The following SLC5A4 variants were observed in gnomAD, a reference collection of about 807,000 sequenced individuals.
SLC5A4 encodes solute carrier family 5 member 4, also known as probable glucose sensor protein SLC5A4.
Under a neutral mutation model 70.3 loss-of-function variants are expected in SLC5A4, and 55 were observed. The observed-to-expected ratio is 0.78, with a 90% CI of 0.63 to 0.98. SLC5A4 has a LOEUF of 0.98. SLC5A4 is among the 50% of genes least tolerant of loss of function. The probability of loss-of-function intolerance (pLI) is 0.00; values close to 1 mark genes in which losing one functional copy is unlikely to be tolerated. For missense variants in SLC5A4, 735 were observed against 839.2 expected (o/e 0.88, Z 1.53); for synonymous variants, 268 against 305.7 (o/e 0.88, Z 1.29).
the SLC5A4 span, among the ~76,000 whole-genome samples, chr22:32,351,366 T>A: frequency 6.6e-6 from 1 of 151,882 alleles, no homozygotes. Context: ...TCCAACTGAT[T>A]TTTTCCTCAT....
At chr22:32,337,680 C>T in the SLC5A4 span, among the ~76,000 whole-genome samples, 2 of 152,222 alleles carry the variant, frequency 1.3e-5, no homozygotes, top group African/African-American at 4.8e-5. Context: ...CAACATTTAA[C>T]AACCTGTTCT....
chr22:32,324,681 G>C, the SLC5A4 span, among the ~76,000 whole-genome samples: 1 of 152,186 alleles, frequency 6.6e-6, no homozygotes, highest in East Asian at 1.9e-4. Flanking sequence ...CTCAGTGTCA[G>C]ACAAGCCCGG....
At chr22:32,319,663 T>G in the SLC5A4 span, among the ~76,000 whole-genome samples, 1 of 152,228 alleles carries the variant, frequency 6.6e-6, no homozygotes, top group Non-Finnish European at 1.5e-5. Context: ...ACCAGCATGC[T>G]CCTGTCTCTT....
At chr22:32,277,265 G>C in the SLC5A4 span, 4 of 152,156 alleles carry the variant, frequency 2.6e-5, no homozygotes, top group African/African-American at 9.7e-5. Context: ...CATATTTCTG[G>C]ACACTTTCAA....
the SLC5A4 span, among the ~76,000 whole-genome samples, chr22:32,303,557 G>A: frequency 1.1e-4 from 16 of 152,158 alleles, no homozygotes; most frequent in East Asian, 2.3e-3. Flanking sequence ...TTTCCTTGTG[G>A]GACAATCACA....
the SLC5A4 span, among the ~76,000 whole-genome samples, chr22:32,306,726 C>T: frequency 6.6e-6 from 1 of 152,160 alleles, no homozygotes; most frequent in African/African-American, 2.4e-5. Context: ...TGGGAGGTCT[C>T]CTGCCTTGTT....
chr22:32,327,951 G>A, the SLC5A4 span, among the ~76,000 whole-genome samples: 1 of 152,246 alleles, frequency 6.6e-6, no homozygotes, highest in East Asian at 1.9e-4. Context: ...AGTCCTACAG[G>A]CCCCAGCCTG....
At chr22:32,324,516 A>G in the SLC5A4 span, among the ~76,000 whole-genome samples, 11 of 152,066 alleles carry the variant, frequency 7.2e-5, no homozygotes, top group Admixed American at 2.0e-4. Flanking sequence ...TACTGGGAAC[A>G]CCCTCCCCTA....
chr22:32,218,793 T>G (rs1490209122), intron 14 of SLC5A4, 68 bp from the exon 15 acceptor site: 4 of 1,183,348 alleles, frequency 3.4e-6, no homozygotes, highest in African/African-American at 1.5e-5. Flanking sequence ...TCCTTGTCAG[T>G]GTAGTACCTA....
At position 32,221,017 on chromosome 22, in the gene SLC5A4, G is replaced by C; in HGVS notation, c.1671C>G (p.Tyr557Ter). ...LTKPIPDVHL[Y>*]RLCWVLRNST... is the part of the protein sequence containing the mutation. ...TGTTCCGAAGAACCCAGCACAGGCG[G>C]TACAGCTGAACAGGGACCATACAAA... The change falls in exon 14 of 15, where the codon TAC becomes TAG. Residue 557 changes from tyrosine (Y) to a stop codon, truncating the protein, a stop_gained. Transcript: ENST00000266086. LOFTEE classifies it high-confidence loss of function. 1.2e-6 allele frequency: 2 copies of C among 1,610,908 alleles called. No homozygotes were observed. The highest frequency in any genetic ancestry group is 3.3e-5 in the Admixed American group (2 of 60,004).
chr22:32,324,131 G>A, the SLC5A4 span, among the ~76,000 whole-genome samples: 2 of 147,606 alleles, frequency 1.4e-5, no homozygotes, highest in South Asian at 4.3e-4. Flanking sequence ...GGCATGCTGA[G>A]GGTCGCTATG....
intron 1 of SLC5A4, among the ~76,000 whole-genome samples, chr22:32,254,721 G>A (rs1301404375): frequency 2.6e-5 from 4 of 151,738 alleles, no homozygotes; most frequent in Admixed American, 6.6e-5. Context: ...GGAGAATGGC[G>A]TGAACCCAGG....
At chr22:32,277,598 A>C in the SLC5A4 span, among the ~76,000 whole-genome samples, 1 of 152,094 alleles carries the variant, frequency 6.6e-6, no homozygotes, top group East Asian at 1.9e-4. Context: ...CCCAGGCTGC[A>C]GTGCAGTGGC....
chr22:32,227,124 G>T (rs1925448789), intron 11 of SLC5A4, among the ~76,000 whole-genome samples: 1 of 152,034 alleles, frequency 6.6e-6, no homozygotes, highest in East Asian at 1.9e-4. Flanking sequence ...CCTGACAAAG[G>T]CATATATTCC....
the SLC5A4 span, among the ~76,000 whole-genome samples, chr22:32,330,342 A>G: frequency 2.8e-4 from 7 of 24,916 alleles, no homozygotes; most frequent in East Asian, 1.6e-3. Flanking sequence ...GCTCTGGTGT[A>G]TATGTTGGGG....
intron 6 of SLC5A4, 101 bp downstream of exon 6, chr22:32,238,884 T>G: frequency 1.2e-6 from 1 of 800,706 alleles, no homozygotes; most frequent in South Asian, 1.5e-5. Context: ...ATGGTGCCTT[T>G]ACCTCGGCAG....
chr22:32,249,909 ATT>A (rs202014333), intron 3 of SLC5A4, among the ~76,000 whole-genome samples: 2 of 149,884 alleles, frequency 1.3e-5, no homozygotes, highest in African/African-American at 4.9e-5. Context: ...TTTTTTGGTG[ATT>A]TTTTTTTTAG....
At chr22:32,251,178 C>CAAAAAAAAAAAAAA (rs1927131636) in intron 3 of SLC5A4, among the ~76,000 whole-genome samples, 1 of 91,232 alleles carries the variant, frequency 1.1e-5, no homozygotes. Flanking sequence ...AAAAAAAAAC[C>CAAAAAAAAAAAAAA]AAAGAGGAGA....
the SLC5A4 span, among the ~76,000 whole-genome samples, chr22:32,283,771 A>AT: frequency 2.2e-4 from 33 of 152,158 alleles, no homozygotes; most frequent in Non-Finnish European, 4.0e-4. Flanking sequence ...GTGTAATTTA[A>AT]TTTTTTTTAT....
Sources: gnomAD v4.1 joint callset for allele counts (sites outside exome capture counted in the v4.1 genomes callset) on GRCh38, gnomAD v4.1.1 for gene constraint, MANE v1.5 for transcripts, NCBI Gene and HGNC (gene_info 2026-07-23, HGNC 2026-07-21) for gene names.